Variants in JPH2 observed in about 807,000 individuals in gnomAD.
JPH2 encodes the protein junctophilin-2.
JPH2 carries 38 observed loss-of-function variants against 55.9 expected under a neutral mutation model. The observed-to-expected ratio is 0.68, with a 90% CI of 0.52 to 0.89. JPH2 has a LOEUF of 0.89. Ranked by LOEUF, JPH2 falls within the 40% of genes least tolerant of loss-of-function variation. JPH2 has a pLI of 0.00. For missense variants in JPH2, 964 were observed against 1,037.6 expected (o/e 0.93, Z 0.97); for synonymous variants, 480 against 472.4 (o/e 1.02, Z -0.21).
intron 1 of JPH2, among the ~76,000 whole-genome samples, chr20:44,162,769 TATATATATATATATATATACAC>T (rs1316505347): frequency 1.3e-4 from 10 of 77,456 alleles, no homozygotes; most frequent in Admixed American, 4.3e-4. Flanking sequence ...TATATATATA[TATATATATATATATATATACAC>T]ACACACACAC....
chr20:44,132,337 A>AAGGG (rs2072324525), intron 2 of JPH2, among the ~76,000 whole-genome samples: 2 of 136,024 alleles, frequency 1.5e-5, no homozygotes, highest in South Asian at 2.5e-4. Context: ...AATGAGGTGG[A>AAGGG]AGGGAGGCAG....
intron 2 of JPH2, among the ~76,000 whole-genome samples, chr20:44,129,694 C>A (rs2072303188): frequency 6.6e-6 from 1 of 152,028 alleles, no homozygotes; most frequent in Admixed American, 6.5e-5. Context: ...GTGGATGTTA[C>A]CTTCTATGGC....
chr20:44,115,477 C>A (rs1182781861), intron 4 of JPH2, among the ~76,000 whole-genome samples, 188 bp downstream of exon 4: 1 of 152,206 alleles, frequency 6.6e-6, no homozygotes, highest in East Asian at 1.9e-4. Flanking sequence ...TACGCTCCAA[C>A]GTCCTCTGTG....
chr20:44,164,614 T>A (rs970637222), intron 1 of JPH2, among the ~76,000 whole-genome samples: 3 of 152,070 alleles, frequency 2.0e-5, no homozygotes, highest in African/African-American at 7.2e-5. Flanking sequence ...CAAAACATGC[T>A]AAGTGAACAA....
At chr20:44,168,782 G>A (rs1163359188) in intron 1 of JPH2, among the ~76,000 whole-genome samples, 1 of 152,208 alleles carries the variant, frequency 6.6e-6, no homozygotes, top group Non-Finnish European at 1.5e-5. Context: ...GGAAATGCAA[G>A]TGCTATGGTT....
At chr20:44,138,005 A>G (rs2072426971) in intron 2 of JPH2, among the ~76,000 whole-genome samples, 1 of 151,190 alleles carries the variant, frequency 6.6e-6, no homozygotes, top group Non-Finnish European at 1.5e-5. Context: ...AAATTTAAAA[A>G]GACCTTTTTT....
chr20:44,171,570 A>ACT (rs34917566), intron 1 of JPH2, among the ~76,000 whole-genome samples: 50,830 of 150,826 alleles, frequency 0.34, 9,248 homozygotes, highest in Admixed American at 0.5. Context: ...CGTCCACCCC[A>ACT]CTCTCTCTCT....
chr20:44,171,804 A>G (rs888072732), intron 1 of JPH2, among the ~76,000 whole-genome samples: 4 of 152,078 alleles, frequency 2.6e-5, no homozygotes, highest in East Asian at 1.9e-4. Context: ...AAATTCTTCT[A>G]TTTTTCCTTC....
In JPH2 at chr20:44,160,686, G is replaced by T. The variant is rs1410153290; in HGVS notation, c.380-279C>A. Among the ~76,000 whole-genome samples the T allele has an allele frequency of 2.0e-5, 3 of 152,238 alleles. No homozygotes were observed. The highest frequency in any genetic ancestry group is 4.4e-5 in the Non-Finnish European group (3 of 68,048). On this transcript the variant is annotated intron_variant, in intron 1 of 5. Transcript: ENST00000372980. The surrounding 1 kb of genome is among the most constrained non-coding windows in gnomAD (Gnocchi z 4.9). ...CGTGAACGGATAAGCTAGTGAGTTCGCATGGTAGTGCAAATGTTGGAGAGC... is the reference window on the plus strand; with the variant it reads ...CGTGAACGGATAAGCTAGTGAGTTCTCATGGTAGTGCAAATGTTGGAGAGC...
chr20:44,133,451 G>A (rs6073348), intron 2 of JPH2, among the ~76,000 whole-genome samples: 1 of 151,998 alleles, frequency 6.6e-6, no homozygotes, highest in African/African-American at 2.4e-5. Context: ...AGGGAAACTA[G>A]GCCTCCTTTG....
At chr20:44,131,727 T>C (rs1179519147) in intron 2 of JPH2, among the ~76,000 whole-genome samples, 2 of 152,240 alleles carry the variant, frequency 1.3e-5, no homozygotes, top group South Asian at 2.1e-4. Flanking sequence ...ACCATTTTTT[T>C]CTTTAAAAAT....
chr20:44,134,888 T>TATA lies in JPH2; in HGVS notation c.1170-16266_1170-16265insTAT, dbSNP rs1569195835. On this transcript the variant is annotated intron_variant, in intron 2 of 5. Coordinates refer to ENST00000372980, the MANE Select transcript of JPH2 (RefSeq NM_020433.5). ...TAAATATATATATTTATATATATAT[T>TATA]AATATATATTTATATATATATATAA... Among the ~76,000 whole-genome samples, 180 of 34,318 alleles carry TATA rather than the reference T, an allele frequency of 5.2e-3. 1 individual carries two copies. The highest frequency in any genetic ancestry group is 9.0e-3 in the Non-Finnish European group (166 of 18,492). 22.5% of individuals were successfully genotyped at this position (34,318 alleles called of 152,430 possible). A position where few individuals can be genotyped will look rare whatever the true frequency, so the allele number is the denominator to read the frequency against.
At chr20:44,185,433 G>A (rs1450346819) in intron 1 of JPH2, among the ~76,000 whole-genome samples, 2 of 151,272 alleles carry the variant, frequency 1.3e-5, no homozygotes, top group African/African-American at 4.9e-5. Context: ...AGACCAGTCT[G>A]GGCAATATGG....
chr20:44,114,577 T>C (rs2072172307), intron 5 of JPH2, among the ~76,000 whole-genome samples: 1 of 114,182 alleles, frequency 8.8e-6, no homozygotes, highest in Non-Finnish European at 1.8e-5. Context: ...TGTGTGTGTG[T>C]GTGTGTGTGT....
At chr20:44,147,123 T>A (rs2072498719) in intron 2 of JPH2, among the ~76,000 whole-genome samples, 1 of 152,182 alleles carries the variant, frequency 6.6e-6, no homozygotes, top group South Asian at 2.1e-4. Flanking sequence ...GGAACCAAAT[T>A]GACCAAATTG....
chr20:44,175,652 G>T (rs546298302), intron 1 of JPH2, among the ~76,000 whole-genome samples: 2 of 152,320 alleles, frequency 1.3e-5, no homozygotes, highest in Non-Finnish European at 2.9e-5. Flanking sequence ...AGCCCGCAAG[G>T]CTCCACCACC....
At chr20:44,127,789 A>G (rs1025857292) in intron 2 of JPH2, among the ~76,000 whole-genome samples, 1 of 151,970 alleles carries the variant, frequency 6.6e-6, no homozygotes, top group African/African-American at 2.4e-5. Context: ...CGCCCGGCCC[A>G]TCCTTCGTTT....
At chr20:44,140,980 AATG>A (rs2072452491) in intron 2 of JPH2, among the ~76,000 whole-genome samples, 1 of 152,142 alleles carries the variant, frequency 6.6e-6, no homozygotes, top group South Asian at 2.1e-4. Flanking sequence ...CTTGACCGTG[AATG>A]ATGTTTGTGC....
In JPH2 at chr20:44,106,825, G is replaced by T. The variant is rs1394642866; in HGVS notation, c.*6693C>A. 6.6e-6 allele frequency among the ~76,000 whole-genome samples: 1 copy of T among 152,104 alleles called. No homozygotes were observed. Among genetic ancestry groups the T allele is most frequent in the Non-Finnish European group, 1.5e-5 (1 of 68,022 alleles). Reference sequence around the variant, plus strand: ...CCATGATTCAATTACCTCCCACTGGGTCCCTCCCACAACGTGTGGGTGGGA... The same window carrying T: ...CCATGATTCAATTACCTCCCACTGGTTCCCTCCCACAACGTGTGGGTGGGA... On this transcript the variant is annotated 3_prime_UTR_variant, in exon 6 of 6. Coordinates refer to ENST00000372980, the MANE Select transcript of JPH2 (RefSeq NM_020433.5).
Sources: gnomAD v4.1 joint callset for allele counts (sites outside exome capture counted in the v4.1 genomes callset) on GRCh38, gnomAD v4.1.1 for gene constraint, Gnocchi (gnomAD v3.1) non-coding constraint, MANE v1.5 for transcripts, NCBI Gene and HGNC (gene_info 2026-07-23, HGNC 2026-07-21) for gene names.